SAMTOR: variants seen among roughly 807,000 people sequenced by gnomAD.
SAMTOR encodes UPF0532 protein C7orf60.
At chr7:112,829,569 A>G in the SAMTOR span, among the ~76,000 whole-genome samples, 1 of 151,678 alleles carries the variant, frequency 6.6e-6, no homozygotes, top group African/African-American at 2.4e-5. Context: ...CATGGCTGTA[A>G]TTTTTTTTGG....
the SAMTOR span, among the ~76,000 whole-genome samples, chr7:112,832,030 T>A: frequency 2.0e-5 from 3 of 151,148 alleles, no homozygotes; most frequent in Non-Finnish European, 4.4e-5. Context: ...TTTTTTTTTT[T>A]AGACGGAGTC....
chr7:112,835,158 C>CT, the SAMTOR span, among the ~76,000 whole-genome samples: 3 of 151,948 alleles, frequency 2.0e-5, no homozygotes, highest in African/African-American at 7.3e-5. Flanking sequence ...GAAGGGGTGG[C>CT]TACTATGCAT....
chr7:112,872,886 A>C, the SAMTOR span, among the ~76,000 whole-genome samples: 1 of 151,948 alleles, frequency 6.6e-6, no homozygotes, highest in Non-Finnish European at 1.5e-5. Context: ...GTAACACTCA[A>C]GCTAAGAACC....
the SAMTOR span, among the ~76,000 whole-genome samples, chr7:112,848,754 T>C: frequency 6.6e-6 from 1 of 152,258 alleles, no homozygotes; most frequent in Non-Finnish European, 1.5e-5. Context: ...AAGTGCCTTT[T>C]GAAATGTTGT....
At chr7:112,870,584 G>C in the SAMTOR span, among the ~76,000 whole-genome samples, 1 of 151,962 alleles carries the variant, frequency 6.6e-6, no homozygotes, top group East Asian at 1.9e-4. Context: ...TACTACAAAA[G>C]CATACATAAA....
chr7:112,936,798 C>T, the SAMTOR span, among the ~76,000 whole-genome samples: 1 of 151,996 alleles, frequency 6.6e-6, no homozygotes, highest in African/African-American at 2.4e-5. Context: ...CTTGTATAGC[C>T]CCAACTCAGC....
chr7:112,891,262 A>G, the SAMTOR span, among the ~76,000 whole-genome samples: 1 of 152,246 alleles, frequency 6.6e-6, no homozygotes, highest in Non-Finnish European at 1.5e-5. Flanking sequence ...ATGCATTATA[A>G]GCTTTGTAGT....
At chr7:112,857,185 G>C in the SAMTOR span, among the ~76,000 whole-genome samples, 4 of 143,724 alleles carry the variant, frequency 2.8e-5, no homozygotes, top group African/African-American at 1.1e-4. Flanking sequence ...TCCGCTTCCC[G>C]GGTTCACGCC....
the SAMTOR span, among the ~76,000 whole-genome samples, chr7:112,914,482 G>A: frequency 5.9e-5 from 9 of 151,822 alleles, no homozygotes; most frequent in Non-Finnish European, 7.4e-5. Context: ...AAGAGAACTA[G>A]TATAAGCATT....
At chr7:112,921,713 A>G in the SAMTOR span, among the ~76,000 whole-genome samples, 1 of 131,434 alleles carries the variant, frequency 7.6e-6, no homozygotes, top group East Asian at 2.2e-4. Context: ...CAAAGGGCTA[A>G]TATCCAGAAT....
At chr7:112,878,993 G>A in the SAMTOR span, among the ~76,000 whole-genome samples, 4 of 151,950 alleles carry the variant, frequency 2.6e-5, no homozygotes, top group Non-Finnish European at 5.9e-5. Context: ...CCAGATGTGC[G>A]AAGTAAAACA....
At chr7:112,915,369 T>A in the SAMTOR span, 2 of 1,613,608 alleles carry the variant, frequency 1.2e-6, no homozygotes, top group Non-Finnish European at 8.5e-7. Context: ...ATCTGCCAAA[T>A]TTTTCATTGC....
At chr7:112,916,479 G>C in the SAMTOR span, among the ~76,000 whole-genome samples, 1 of 152,192 alleles carries the variant, frequency 6.6e-6, no homozygotes, top group Non-Finnish European at 1.5e-5. Context: ...TGGCCGAACA[G>C]GAACAGCTCC....
At chr7:112,875,786 T>C in the SAMTOR span, among the ~76,000 whole-genome samples, 2 of 152,236 alleles carry the variant, frequency 1.3e-5, no homozygotes, top group African/African-American at 4.8e-5. Context: ...ATCCCACTGA[T>C]GACTGACTTT....
At chr7:112,883,019 T>C in the SAMTOR span, among the ~76,000 whole-genome samples, 2 of 152,208 alleles carry the variant, frequency 1.3e-5, no homozygotes, top group African/African-American at 4.8e-5. Flanking sequence ...TCTAATTCAG[T>C]CCTTTTTATT....
At chr7:112,854,920 C>CT in the SAMTOR span, among the ~76,000 whole-genome samples, 2 of 152,146 alleles carry the variant, frequency 1.3e-5, no homozygotes, top group Non-Finnish European at 2.9e-5. Context: ...TTAGCTATGG[C>CT]TTTTTTCCCG....
At chr7:112,842,057 C>T in the SAMTOR span, among the ~76,000 whole-genome samples, 6 of 151,884 alleles carry the variant, frequency 4.0e-5, no homozygotes, top group Admixed American at 2.0e-4. Context: ...GACTTTAGGT[C>T]GTACCTTGTT....
the SAMTOR span, among the ~76,000 whole-genome samples, chr7:112,886,919 C>T: frequency 6.6e-6 from 1 of 152,170 alleles, no homozygotes; most frequent in Admixed American, 6.5e-5. Flanking sequence ...GTAATCCCAG[C>T]ACTTTGGAGG....
chr7:112,879,316 G>A, the SAMTOR span, among the ~76,000 whole-genome samples: 3 of 151,664 alleles, frequency 2.0e-5, no homozygotes, highest in Admixed American at 6.6e-5. Flanking sequence ...GCTGCCATAC[G>A]CTGAGTGTGA....
Sources: allele counts gnomAD v4.1 joint callset (sites outside exome capture counted in the v4.1 genomes callset), GRCh38; gene constraint gnomAD v4.1.1; transcripts MANE v1.5; gene names NCBI Gene and HGNC (gene_info 2026-07-23, HGNC 2026-07-21).